Variants in DACT2 observed in about 807,000 individuals in gnomAD.
DACT2 encodes dapper homolog 2.
DACT2 carries 20 observed loss-of-function variants against 22.2 expected under a neutral mutation model. The observed-to-expected ratio is 0.90, with a 90% CI of 0.63 to 1.31. The LOEUF (loss-of-function observed/expected upper bound fraction) is 1.31. Among genes scored for constraint, DACT2 ranks in the 50% most tolerant of loss-of-function variants. The pLI is 0.00. For synonymous variants in DACT2, 463 were observed against 479.8 expected (o/e 0.96, Z 0.46); for missense variants, 1,048 against 1,061.4 (o/e 0.99, Z 0.18).
At chr6:168,296,402 A>G (rs1779009411) in intron 3 of DACT2, among the ~76,000 whole-genome samples, 1 of 151,322 alleles carries the variant, frequency 6.6e-6, no homozygotes, top group Admixed American at 6.6e-5. Context: ...GGAGATGGTC[A>G]TGGAGGACAG....
exon 6 of DACT2, chr6:168,293,697 G>A (rs1412938148): frequency 2.2e-5 from 13 of 589,074 alleles, no homozygotes; most frequent in Non-Finnish European, 1.2e-5. Context: ...CCACGTAAAG[G>A]AAATTCCACT....
Position 168,308,586 on chromosome 6 carries a change from C to G in DACT2, c.1171G>C (p.Gly391Arg), listed in dbSNP as rs780439375. The change falls in exon 4 of 4, where the codon GGG (glycine) becomes CGG (arginine). Residue 391 changes from glycine (G) to arginine (R), a missense_variant. By Grantham distance (125) the Gly-to-Arg change is moderately radical. Coordinates refer to ENST00000366795, the MANE Select transcript of DACT2 (RefSeq NM_214462.5). Reference protein sequence around the residue: ...VFAPGREDEGGPAQSRGAGRG... With the variant: ...VFAPGREDEGRPAQSRGAGRG... ...CCGGCACCCCTGCTCTGAGCTGGCCCTCCCTCGTCCTCCCTCCCTGGGGCG... is the reference window on the plus strand; with the variant it reads ...CCGGCACCCCTGCTCTGAGCTGGCCGTCCCTCGTCCTCCCTCCCTGGGGCG... 13 of 1,538,490 alleles carry G rather than the reference C, an allele frequency of 8.4e-6. No individual in the cohort carries two copies. The highest frequency in any genetic ancestry group is 1.1e-5 in the Non-Finnish European group (13 of 1,145,598).
rs2114923322 is a variant in DACT2, at chr6:168,319,617, C to T, written c.17G>A (p.Gly6Glu). 2 of 1,306,122 alleles carry T rather than the reference C, an allele frequency of 1.5e-6. No homozygotes were observed. 80.9% of individuals were successfully genotyped at this position (1,306,122 alleles called of 1,614,324 possible). Reference protein sequence around the residue: MWTPGGPPGSAGWDRR... With the variant: MWTPGEPPGSAGWDRR... Reference sequence around the variant, plus strand: ...GTCCCAGCCCGCGGACCCCGGGGGTCCGCCCGGCGTCCACATCTCCCGGGC... The same window carrying T: ...GTCCCAGCCCGCGGACCCCGGGGGTTCGCCCGGCGTCCACATCTCCCGGGC... The change falls in exon 1 of 4, where the codon GGA becomes GAA. Residue 6 changes from glycine to glutamate, a missense_variant. Physicochemically the swap from Gly to Glu is moderately conservative, Grantham distance 98 (BLOSUM62 -2). Transcript: ENST00000366795.
chr6:168,295,809 G>C (rs1778998234), intron 3 of DACT2, among the ~76,000 whole-genome samples: 1 of 152,258 alleles, frequency 6.6e-6, no homozygotes, highest in Non-Finnish European at 1.5e-5. Context: ...ATTTGGCTGA[G>C]AGTCGTTATC....
At chr6:168,297,600 C>G (rs1221797291) in intron 3 of DACT2, among the ~76,000 whole-genome samples, 1 of 152,234 alleles carries the variant, frequency 6.6e-6, no homozygotes, top group Non-Finnish European at 1.5e-5. Context: ...GACCTCCGCC[C>G]TCCAGAATGG....
chr6:168,304,476 T>C (rs1779164244), downstream of DACT2, among the ~76,000 whole-genome samples: 1 of 152,216 alleles, frequency 6.6e-6, no homozygotes, highest in African/African-American at 2.4e-5. Flanking sequence ...GTTCTAATTG[T>C]TAACTGTGTT....
At chr6:168,296,702 T>C (rs12215410) in intron 3 of DACT2, among the ~76,000 whole-genome samples, 28,242 of 152,258 alleles carry the variant, frequency 0.19, 3,342 homozygotes, top group African/African-American at 0.34. Flanking sequence ...GCTAAACTGC[T>C]AATAACAATA....
At position 168,296,888 on chromosome 6, in the gene DACT2, C is replaced by T. The variant is rs180787180; in HGVS notation, c.659-2184G>A. Among the ~76,000 whole-genome samples, 234 of 152,220 alleles carry T rather than the reference C, an allele frequency of 1.5e-3. 5 individuals are homozygous for T. The highest frequency in any genetic ancestry group is 0.014 in the Admixed American group (216 of 15,292). On this transcript the variant is annotated intron_variant, in intron 3 of 5. Coordinates refer to the DACT2 transcript ENST00000366796. ...AAGCCTCAGCTGGGGAAGTGATACT[C>T]GCAAAACCTGTAACTTACCACTCAC...
At position 168,308,773 on chromosome 6, in the gene DACT2, G is replaced by C. The variant is rs1779307358; in HGVS notation, c.984C>G (p.Ala328=). 6.4e-7 allele frequency: 1 copy of C among 1,551,338 alleles called. No homozygotes were observed. Among genetic ancestry groups the C allele is most frequent in the African/African-American group, 1.4e-5 (1 of 73,184 alleles). ...ACCTGTCGATATAAGCTCTGGCCCTGGCCGGGCCAGCCTCGAGGACCGGCC... is the reference window on the plus strand; with the variant it reads ...ACCTGTCGATATAAGCTCTGGCCCTCGCCGGGCCAGCCTCGAGGACCGGCC... ...QTGPVLEAGP[A]RARAYIDRLL... is the part of the protein sequence containing the mutation. The change falls in exon 4 of 4, where the codon GCC becomes GCG. Residue 328 remains alanine (A), a synonymous_variant. Coordinates refer to ENST00000366795, the MANE Select transcript of DACT2 (RefSeq NM_214462.5).
At chr6:168,315,617 T>C (rs1398089409) in intron 1 of DACT2, among the ~76,000 whole-genome samples, 7 of 152,224 alleles carry the variant, frequency 4.6e-5, no homozygotes, top group Admixed American at 1.3e-4. Flanking sequence ...CTGCACTCTC[T>C]TGTGGCACAG....
chr6:168,297,888 G>A (rs1025248721), intron 3 of DACT2, among the ~76,000 whole-genome samples: 2 of 152,242 alleles, frequency 1.3e-5, no homozygotes, highest in Admixed American at 6.5e-5. Flanking sequence ...GCGTGTGGAG[G>A]TGTCGGCGCA....
chr6:168,303,532 C>A (rs1421964544), downstream of DACT2, among the ~76,000 whole-genome samples: 1 of 152,214 alleles, frequency 6.6e-6, no homozygotes. Flanking sequence ...GCCCGGTCCC[C>A]TTCTGCTTTC....
chr6:168,310,932 A>C (rs1779381805), intron 2 of DACT2, among the ~76,000 whole-genome samples: 1 of 152,204 alleles, frequency 6.6e-6, no homozygotes, highest in Non-Finnish European at 1.5e-5. Context: ...CAAATTAAAA[A>C]AATAAGAGCG....
downstream of DACT2, among the ~76,000 whole-genome samples, chr6:168,306,446 T>C (rs527407148): frequency 8.1e-5 from 12 of 147,914 alleles, no homozygotes; most frequent in Admixed American, 2.0e-4. Context: ...TTATGCCCCC[T>C]CTTTTTTTTC....
At chr6:168,294,918 T>C (rs1778983521) in intron 3 of DACT2, among the ~76,000 whole-genome samples, 1 of 152,190 alleles carries the variant, frequency 6.6e-6, no homozygotes, top group African/African-American at 2.4e-5. Context: ...ATACACATCC[T>C]GACAAGTTGA....
intron 4 of DACT2, chr6:168,294,577 G>GTGTATATATATATA (rs1177617130): frequency 2.2e-4 from 27 of 124,450 alleles, no homozygotes; most frequent in African/African-American, 6.8e-4. Context: ...GTGTGTGTGT[G>GTGTATATATATATA]TATATATATA....
intron 1 of DACT2, among the ~76,000 whole-genome samples, chr6:168,312,096 A>C (rs571751132): frequency 2.6e-5 from 4 of 152,330 alleles, no homozygotes; most frequent in African/African-American, 9.6e-5. Flanking sequence ...TTGAACTGTT[A>C]CAGGCTTCGG....
In DACT2 at chr6:168,307,263, AC is replaced by A. The variant is rs1218456048; in HGVS notation, c.*168del. ...GAAGTCTTTGCTGGGGCGGGGACTC[AC>A]GGCCATACTCCACAGGGCAGAACCC... On this transcript the variant is annotated 3_prime_UTR_variant, in exon 4 of 4. Transcript: ENST00000366795. The surrounding 1 kb of genome is among the most constrained non-coding windows in gnomAD (Gnocchi z 5.3). 1 of 1,412,688 alleles carries A rather than the reference AC, an allele frequency of 7.1e-7. No individual in the cohort carries two copies. Among genetic ancestry groups the A allele is most frequent in the East Asian group, 2.6e-5 (1 of 38,604 alleles). 87.5% of individuals were successfully genotyped at this position (1,412,688 alleles called of 1,614,324 possible).
At chr6:168,310,471 C>A in intron 2 of DACT2, 25 bp from the exon 3 acceptor site, 1 of 1,534,934 alleles carries the variant, frequency 6.5e-7, no homozygotes, top group South Asian at 1.2e-5. Flanking sequence ...CAAGGCAGGT[C>A]AGTGACCCCC....
Sources: allele counts gnomAD v4.1 joint callset (sites outside exome capture counted in the v4.1 genomes callset), GRCh38; gene constraint gnomAD v4.1.1; non-coding constraint Gnocchi (gnomAD v3.1); transcripts MANE v1.5; gene names NCBI Gene and HGNC (gene_info 2026-07-23, HGNC 2026-07-21).